The following CRPPA variants were observed in gnomAD, a reference collection of about 807,000 sequenced individuals.
The protein encoded by CRPPA is CDP-L-ribitol pyrophosphorylase A.
Under a neutral mutation model 52.0 loss-of-function variants are expected in CRPPA, and 43 were observed. That is an observed-to-expected ratio of 0.83 (90% CI 0.65 to 1.07). The LOEUF (loss-of-function observed/expected upper bound fraction) is 1.07, where lower values mean the gene tolerates loss of function less well. Among genes scored for constraint, CRPPA ranks in the 50% least tolerant of loss-of-function variants. The pLI is 0.00. For synonymous variants in CRPPA, 250 were observed against 203.5 expected (o/e 1.23, Z -1.94); for missense variants, 629 against 551.7 (o/e 1.14, Z -1.40).
At chr7:16,260,454 A>G (rs1051675670) in intron 6 of CRPPA, among the ~76,000 whole-genome samples, 3 of 151,980 alleles carry the variant, frequency 2.0e-5, no homozygotes, top group Non-Finnish European at 4.4e-5. Flanking sequence ...CTCTAATTGC[A>G]TCTCTCCATG....
intron 5 of CRPPA, among the ~76,000 whole-genome samples, chr7:16,294,625 A>T (rs1784633914): frequency 6.6e-6 from 1 of 152,042 alleles, no homozygotes; most frequent in African/African-American, 2.4e-5. Flanking sequence ...AGAACAAAAA[A>T]TATTATGTAT....
chr7:16,316,903 G>A (rs538236404), intron 3 of CRPPA, among the ~76,000 whole-genome samples: 12 of 152,116 alleles, frequency 7.9e-5, no homozygotes, highest in Non-Finnish European at 7.4e-5. Context: ...ACACCCGATT[G>A]TAAAAATAAT....
chr7:16,290,547 G>A lies in CRPPA; in HGVS notation c.835+10874C>T, dbSNP rs183957862. 8.5e-5 allele frequency among the ~76,000 whole-genome samples: 13 copies of A among 152,054 alleles called. No individual in the cohort carries two copies. In the East Asian group the frequency reaches 1.7e-3, roughly 20 times the overall value. On this transcript the variant is annotated intron_variant, in intron 5 of 9. Coordinates refer to ENST00000407010, the MANE Select transcript of CRPPA (RefSeq NM_001101426.4). Reference sequence around the variant, plus strand: ...ACAAAGGTGCCAGGAATATACATGGGGAAAAGGACATACCTTTGACAAATG... The same window carrying A: ...ACAAAGGTGCCAGGAATATACATGGAGAAAAGGACATACCTTTGACAAATG...
intron 9 of CRPPA, among the ~76,000 whole-genome samples, chr7:16,197,266 C>T (rs567474857): frequency 5.3e-5 from 8 of 152,172 alleles, no homozygotes; most frequent in Admixed American, 2.6e-4. Context: ...TTTAAAACCA[C>T]GTGAATACAC....
chr7:16,295,749 A>T (rs1378912697), intron 5 of CRPPA, among the ~76,000 whole-genome samples: 1 of 152,092 alleles, frequency 6.6e-6, no homozygotes, highest in Non-Finnish European at 1.5e-5. Flanking sequence ...GTATGTTACC[A>T]CTGGCATCTG....
intron 3 of CRPPA, among the ~76,000 whole-genome samples, chr7:16,346,907 G>A (rs921521677): frequency 2.0e-5 from 3 of 151,782 alleles, no homozygotes; most frequent in African/African-American, 7.3e-5. Context: ...CTCAGTAAAG[G>A]GCCAAGCACA....
At chr7:16,145,390 G>A (rs1234135165) in intron 9 of CRPPA, among the ~76,000 whole-genome samples, 1 of 152,132 alleles carries the variant, frequency 6.6e-6, no homozygotes, top group East Asian at 1.9e-4. Flanking sequence ...TATAAAAAAT[G>A]AAAGCACAAA....
At chr7:16,275,073 CT>C (rs1441673369) in intron 6 of CRPPA, among the ~76,000 whole-genome samples, 21 of 151,064 alleles carry the variant, frequency 1.4e-4, no homozygotes, top group Non-Finnish European at 2.7e-4. Flanking sequence ...GAGACAGTGT[CT>C]AAAAAAAAAT....
intron 9 of CRPPA, among the ~76,000 whole-genome samples, chr7:16,157,289 A>G (rs945914415): frequency 6.6e-6 from 1 of 152,098 alleles, no homozygotes; most frequent in Non-Finnish European, 1.5e-5. Context: ...ACTGGAGTTA[A>G]AGAAAGTACC....
intron 9 of CRPPA, among the ~76,000 whole-genome samples, chr7:16,182,617 C>G (rs370837321): frequency 2.6e-5 from 4 of 152,120 alleles, no homozygotes; most frequent in African/African-American, 9.7e-5. Flanking sequence ...CTACACAATC[C>G]TCTTATTATA....
intron 9 of CRPPA, among the ~76,000 whole-genome samples, chr7:16,192,316 T>C (rs1409676107): frequency 7.9e-5 from 12 of 152,026 alleles, no homozygotes; most frequent in African/African-American, 2.4e-4. Context: ...GAGTGATATG[T>C]AAGGTTCTGA....
At chr7:16,257,790 C>T (rs544012273) in intron 8 of CRPPA, among the ~76,000 whole-genome samples, 24 of 152,178 alleles carry the variant, frequency 1.6e-4, no homozygotes, top group Non-Finnish European at 2.9e-4. Context: ...TGATTTTGTT[C>T]CTTCCTGAGT....
chr7:16,210,428 C>T (rs926746839), intron 9 of CRPPA: 1 of 152,186 alleles, frequency 6.6e-6, no homozygotes, highest in Non-Finnish European at 1.5e-5. Context: ...GGATGTCAGT[C>T]GCTGATGTCA....
chr7:16,189,566 C>A (rs962756977), intron 9 of CRPPA, among the ~76,000 whole-genome samples: 1 of 152,090 alleles, frequency 6.6e-6, no homozygotes, highest in Non-Finnish European at 1.5e-5. Flanking sequence ...CTAAGTCTTA[C>A]CAAAGAATGA....
At chr7:16,344,751 G>A (rs967051894) in intron 3 of CRPPA, among the ~76,000 whole-genome samples, 3 of 151,658 alleles carry the variant, frequency 2.0e-5, no homozygotes, top group South Asian at 2.1e-4. Flanking sequence ...ACAACAGCAC[G>A]CTTGCTCAGT....
At chr7:16,369,909 GA>G (rs1301273270) in intron 3 of CRPPA, among the ~76,000 whole-genome samples, 2 of 152,188 alleles carry the variant, frequency 1.3e-5, no homozygotes, top group African/African-American at 4.8e-5. Flanking sequence ...GTGAGAGGGG[GA>G]AAGTCTGCCT....
At chr7:16,311,361 C>T (rs1446842126) in intron 3 of CRPPA, among the ~76,000 whole-genome samples, 6 of 152,130 alleles carry the variant, frequency 3.9e-5, no homozygotes, top group African/African-American at 1.4e-4. Context: ...CCCACAACCC[C>T]TTGCAACCAC....
At chr7:16,253,570 A>G (rs554424443) in intron 8 of CRPPA, among the ~76,000 whole-genome samples, 45 of 152,270 alleles carry the variant, frequency 3.0e-4, no homozygotes, top group African/African-American at 1.1e-3. Flanking sequence ...GCTGAAAAGG[A>G]TGTATATTCT....
chr7:16,208,614 C>G (rs1475549601), intron 9 of CRPPA, among the ~76,000 whole-genome samples: 1 of 152,164 alleles, frequency 6.6e-6, no homozygotes, highest in Non-Finnish European at 1.5e-5. Context: ...GTCCTCTTCT[C>G]AACTCCTCCT....
Sources: allele counts gnomAD v4.1 joint callset (sites outside exome capture counted in the v4.1 genomes callset), GRCh38; gene constraint gnomAD v4.1.1; transcripts MANE v1.5; gene names NCBI Gene and HGNC (gene_info 2026-07-23, HGNC 2026-07-21).